Variants in DZIP3 observed in about 807,000 individuals in gnomAD.
The protein encoded by DZIP3 is E3 ubiquitin-protein ligase DZIP3.
In DZIP3, 118 loss-of-function variants were observed where a neutral mutation model predicts 162.0. That is an observed-to-expected ratio of 0.73 (90% CI 0.63 to 0.85). The LOEUF (loss-of-function observed/expected upper bound fraction) is 0.85. DZIP3 is among the 40% of genes least tolerant of loss of function. The probability of loss-of-function intolerance (pLI) is 0.00; values close to 1 mark genes in which losing one functional copy is unlikely to be tolerated. For missense variants in DZIP3, 1,331 were observed against 1,407.0 expected (o/e 0.95, Z 0.86); for synonymous variants, 438 against 458.6 (o/e 0.96, Z 0.57).
rs530444887 is a variant in DZIP3 at position 108,674,289 on chromosome 3, C to T, written c.2693+108C>T. 5.7e-4 allele frequency: 481 copies of T among 840,834 alleles called. 1 individual carries two copies. Among genetic ancestry groups the T allele is most frequent in the African/African-American group, 2.4e-3 (141 of 57,972 alleles). The allele number at this position is 840,834 out of a possible 1,614,324, so 52.1% of individuals were successfully genotyped here. A position where few individuals can be genotyped will look rare whatever the true frequency, so the allele number is the denominator to read the frequency against. On this transcript the variant is annotated intron_variant, in intron 24 of 32. Transcript: ENST00000361582. ...GTTTTACATATGTGACATCAGAGTT[C>T]TTAAAGAAGCTCTTGTGGTTTTTTT...
At chr3:108,660,374 A>C (rs1198561526) in intron 19 of DZIP3, among the ~76,000 whole-genome samples, 6 of 152,316 alleles carry the variant, frequency 3.9e-5, no homozygotes, top group African/African-American at 1.4e-4. Flanking sequence ...ACCTGACAAA[A>C]ACAGAAATTG....
rs1943848202 is a variant in DZIP3 at position 108,669,666 on chromosome 3, T to G, written c.2424-15T>G. The G allele has an allele frequency of 1.2e-6, 2 of 1,609,338 alleles. No individual in the cohort carries two copies. The highest frequency in any genetic ancestry group is 4.5e-5 in the East Asian group (2 of 44,778). On this transcript the variant is annotated splice_polypyrimidine_tract_variant and intron_variant, in intron 21 of 32. Transcript: ENST00000361582. ...AATTTCTAACATCTTTTGACTTTCT[T>G]GCTTGTTTGCTTAGATTACAGCGTC...
At chr3:108,606,474 T>C (rs112775232) in intron 2 of DZIP3, among the ~76,000 whole-genome samples, 14 of 152,322 alleles carry the variant, frequency 9.2e-5, no homozygotes, top group Admixed American at 3.3e-4. Context: ...TGGGAAGATA[T>C]ATAAAAAGTA....
chr3:108,665,027 G>T (rs2107317660), intron 21 of DZIP3, among the ~76,000 whole-genome samples: 1 of 152,258 alleles, frequency 6.6e-6, no homozygotes, highest in African/African-American at 2.4e-5. Flanking sequence ...AAAATAGGAA[G>T]ATTAAATAGA....
intron 26 of DZIP3, 56 bp downstream of exon 26, chr3:108,677,654 G>A: frequency 6.8e-7 from 1 of 1,472,208 alleles, no homozygotes; most frequent in Non-Finnish European, 9.5e-7. Flanking sequence ...AAATGGTAAG[G>A]GCTGTGAAAC....
intron 26 of DZIP3, 35 bp from the exon 27 acceptor site, chr3:108,684,181 G>A: frequency 6.4e-7 from 1 of 1,567,322 alleles, no homozygotes; most frequent in Non-Finnish European, 8.6e-7. Flanking sequence ...GTGGGGGGGG[G>A]TGTTGTTTAT....
At position 108,688,045 on chromosome 3, in the gene DZIP3, T is replaced by C. The variant is rs1211719468; in HGVS notation, c.3219T>C (p.Phe1073=). Residue 1073 remains phenylalanine, a synonymous_variant, in exon 29 of 33, where the codon TTT becomes TTC. Coordinates refer to ENST00000361582, the MANE Select transcript of DZIP3 (RefSeq NM_014648.4). ...GAAAATCCTTGTCTGAACTGACATT[T>C]GATGAAATTGTTTGCAAGATTTCCC... is the stretch of plus-strand genomic sequence containing the variant. ...AYGKSLSELT[F]DEIVCKISQF... 1 of 1,613,700 alleles carries C rather than the reference T, an allele frequency of 6.2e-7. No individual in the cohort carries two copies. Among genetic ancestry groups the C allele is most frequent in the Non-Finnish European group, 8.5e-7 (1 of 1,179,786 alleles).
rs36069831 is a variant in DZIP3, at chr3:108,608,148, C to A, written c.92C>A (p.Ser31Tyr). Residue 31 changes from serine (S) to tyrosine (Y), a missense_variant, in exon 3 of 33, where the codon TCT (serine) becomes TAT (tyrosine). Coordinates refer to ENST00000361582, the MANE Select transcript of DZIP3 (RefSeq NM_014648.4). Reference sequence around the variant, plus strand: ...ACTGAGAATAAGCTAGAAAAATCATCTGGTCAACTGGTAAGAGAAAGTTTA... The same window carrying A: ...ACTGAGAATAAGCTAGAAAAATCATATGGTCAACTGGTAAGAGAAAGTTTA... Reference protein sequence around the residue: ...EETENKLEKSSGQLNKQENDI... With the variant: ...EETENKLEKSYGQLNKQENDI... 2.6e-4 allele frequency: 417 copies of A among 1,611,962 alleles called. 1 individual carries two copies. In the African/African-American group the frequency reaches 5.2e-3, roughly 20 times the overall value.
At chr3:108,629,648 C>T (rs2924707) in intron 8 of DZIP3, among the ~76,000 whole-genome samples, 97,228 of 151,746 alleles carry the variant, frequency 0.64, 31,693 homozygotes, top group African/African-American at 0.77. Context: ...ATATAAACAC[C>T]AATAGCTTTT....
chr3:108,655,620 C>A (rs562494948), intron 19 of DZIP3, among the ~76,000 whole-genome samples: 2 of 152,036 alleles, frequency 1.3e-5, no homozygotes, highest in Non-Finnish European at 2.9e-5. Flanking sequence ...GTACTGGGTT[C>A]ATCTCACTGG....
chr3:108,661,775 A>G (rs1006014401), intron 19 of DZIP3, 102 bp from the exon 20 acceptor site: 1 of 830,338 alleles, frequency 1.2e-6, no homozygotes, highest in Non-Finnish European at 1.9e-6. Context: ...GACTTGAGAC[A>G]AAAAACGTGA....
At chr3:108,629,377 T>A (rs1941727032) in intron 8 of DZIP3, among the ~76,000 whole-genome samples, 1 of 152,296 alleles carries the variant, frequency 6.6e-6, no homozygotes, top group Non-Finnish European at 1.5e-5. Context: ...TTTCAAATAA[T>A]GAGAAGATTA....
chr3:108,682,729 A>G (rs9863822), intron 26 of DZIP3, among the ~76,000 whole-genome samples: 3,050 of 150,806 alleles, frequency 0.02, 316 homozygotes, highest in African/African-American at 0.073. Context: ...GTAAGGTATT[A>G]TATATCTCAA....
chr3:108,657,161 A>G (rs1022372159), intron 19 of DZIP3, among the ~76,000 whole-genome samples: 1 of 152,186 alleles, frequency 6.6e-6, no homozygotes, highest in African/African-American at 2.4e-5. Context: ...CTACTCGAGA[A>G]GAGCAACTCC....
At chr3:108,683,426 A>G (rs1259696597) in intron 26 of DZIP3, among the ~76,000 whole-genome samples, 4 of 152,150 alleles carry the variant, frequency 2.6e-5, no homozygotes, top group East Asian at 1.9e-4. Flanking sequence ...ACTTAGAGCT[A>G]TGTTGCTGTT....
chr3:108,675,802 C>A lies in DZIP3; in HGVS notation c.2710C>A (p.Gln904Lys). Residue 904 changes from glutamine to lysine, a missense_variant, in exon 25 of 33, where the codon CAA becomes AAA. This residue lies in a region of DZIP3 where 1,278 missense variants were observed against 1,317.1 expected (regional missense o/e 0.97). Coordinates refer to ENST00000361582, the MANE Select transcript of DZIP3 (RefSeq NM_014648.4). ...CTACAACAGCAACCTAGAATCACTT[C>A]AATTAAAGGCTGCGGTAGACAGTTG... ...HMAASNLESL[Q>K]LKAAVDSWNA... 6.2e-7 allele frequency: 1 copy of A among 1,606,440 alleles called. No individual in the cohort carries two copies. The highest frequency in any genetic ancestry group is 8.5e-7 in the Non-Finnish European group (1 of 1,177,004).
At chr3:108,595,931 A>G (rs1244509492) in intron 1 of DZIP3, among the ~76,000 whole-genome samples, 1 of 152,224 alleles carries the variant, frequency 6.6e-6, no homozygotes, top group Admixed American at 6.5e-5. Context: ...GAATACAGCA[A>G]TGAATCAAAT....
chr3:108,644,383 C>T lies in DZIP3; in HGVS notation c.1361C>T (p.Pro454Leu), dbSNP rs377552675. Residue 454 changes from proline to leucine, a missense_variant, in exon 14 of 33, where the codon CCT becomes CTT. Pro to Leu is a moderately conservative substitution (Grantham distance 98). Transcript: ENST00000361582. ...GGTGGATCATGGCATCTGCTTTATC[C>T]TCCTAACAAGGAGTTACCGCAATCC... ...PLGGSWHLLY[P>L]PNKELPQSKQ... 13 of 1,613,930 alleles carry T rather than the reference C, an allele frequency of 8.1e-6. No individual in the cohort carries two copies. The highest frequency in any genetic ancestry group is 1.1e-5 in the Non-Finnish European group (13 of 1,179,980).
chr3:108,683,816 A>C (rs1559784778), intron 26 of DZIP3, among the ~76,000 whole-genome samples: 1 of 152,124 alleles, frequency 6.6e-6, no homozygotes, highest in Non-Finnish European at 1.5e-5. Context: ...AATATTGCCC[A>C]CCAACATAGA....
Sources: allele counts gnomAD v4.1 joint callset (sites outside exome capture counted in the v4.1 genomes callset), GRCh38; gene constraint gnomAD v4.1.1; regional missense constraint gnomAD v4.1.1; transcripts MANE v1.5; gene names NCBI Gene and HGNC (gene_info 2026-07-23, HGNC 2026-07-21).